Variants in TMEM135 observed in about 807,000 individuals in gnomAD.
TMEM135 encodes transmembrane protein 135, also known as peroxisomal membrane protein 52.
Under a neutral mutation model 60.3 loss-of-function variants are expected in TMEM135, and 30 were observed. That is an observed-to-expected ratio of 0.50 (90% CI 0.37 to 0.68). The LOEUF (loss-of-function observed/expected upper bound fraction) is 0.68. TMEM135 is among the 30% of genes least tolerant of loss of function. TMEM135 has a pLI of 0.00. For synonymous variants in TMEM135, 190 were observed against 186.7 expected (o/e 1.02, Z -0.14); for missense variants, 468 against 548.8 (o/e 0.85, Z 1.47).
At chr11:87,150,237 A>AAAAAAAAG (rs1938524208) in intron 4 of TMEM135, among the ~76,000 whole-genome samples, 1 of 144,942 alleles carries the variant, frequency 6.9e-6, no homozygotes, top group Non-Finnish European at 1.5e-5. Flanking sequence ...AAAAAAAAAG[A>AAAAAAAAG]AAAAAAGTGA....
chr11:87,212,924 T>C (rs1013368119), intron 5 of TMEM135, among the ~76,000 whole-genome samples: 1 of 152,144 alleles, frequency 6.6e-6, no homozygotes, highest in Non-Finnish European at 1.5e-5. Context: ...AATTACTATT[T>C]ATTTACAAAT....
intron 6 of TMEM135, among the ~76,000 whole-genome samples, chr11:87,239,445 A>C (rs919329260): frequency 6.6e-6 from 1 of 151,352 alleles, no homozygotes; most frequent in Non-Finnish European, 1.5e-5. Context: ...ACTATTGTAC[A>C]TAACACTTGG....
chr11:87,288,210 C>G (rs547151593), intron 6 of TMEM135, among the ~76,000 whole-genome samples: 3 of 152,070 alleles, frequency 2.0e-5, no homozygotes, highest in Admixed American at 6.6e-5. Flanking sequence ...AGCACCAATG[C>G]TAAATATAGC....
intron 5 of TMEM135, among the ~76,000 whole-genome samples, chr11:87,205,595 A>T (rs1260990713): frequency 6.6e-6 from 1 of 152,142 alleles, no homozygotes; most frequent in Admixed American, 6.5e-5. Context: ...TGAAACTTTG[A>T]TACTCTTTGA....
chr11:87,072,450 G>A (rs961739378), intron 3 of TMEM135, among the ~76,000 whole-genome samples: 3 of 151,750 alleles, frequency 2.0e-5, no homozygotes, highest in East Asian at 1.9e-4. Context: ...GTGCGACCTC[G>A]ACCCACTGCA....
chr11:87,238,470 A>G (rs562069209), intron 6 of TMEM135, among the ~76,000 whole-genome samples: 1 of 152,136 alleles, frequency 6.6e-6, no homozygotes, highest in East Asian at 1.9e-4. Flanking sequence ...ATTGGGATGC[A>G]TAGGATTTTG....
intron 6 of TMEM135, among the ~76,000 whole-genome samples, chr11:87,260,617 A>G (rs886519186): frequency 6.6e-6 from 1 of 152,182 alleles, no homozygotes; most frequent in Non-Finnish European, 1.5e-5. Flanking sequence ...AATGCGAGTT[A>G]GACTGATGGA....
chr11:87,121,887 G>A (rs771504456), intron 4 of TMEM135, among the ~76,000 whole-genome samples: 8 of 152,122 alleles, frequency 5.3e-5, no homozygotes, highest in Non-Finnish European at 1.0e-4. Context: ...TGATGCGCTC[G>A]CCTAAGCCTC....
At chr11:87,109,697 T>C (rs1225703281) in intron 4 of TMEM135, among the ~76,000 whole-genome samples, 1 of 150,000 alleles carries the variant, frequency 6.7e-6, no homozygotes, top group Non-Finnish European at 1.5e-5. Context: ...CAGTTTTATC[T>C]TAATAAACTT....
At chr11:87,203,708 CT>C (rs1322572295) in intron 5 of TMEM135, among the ~76,000 whole-genome samples, 2 of 152,128 alleles carry the variant, frequency 1.3e-5, no homozygotes, top group African/African-American at 4.8e-5. Context: ...TTTTCAGCTC[CT>C]TTGTATAAGT....
chr11:87,241,023 T>C (rs1235622949), intron 6 of TMEM135, among the ~76,000 whole-genome samples: 11 of 132,654 alleles, frequency 8.3e-5, no homozygotes, highest in Admixed American at 2.3e-4. Flanking sequence ...TTTATTGTTA[T>C]ACTTTAAACT....
intron 6 of TMEM135, among the ~76,000 whole-genome samples, chr11:87,276,426 A>G (rs1177602363): frequency 2.6e-5 from 4 of 152,034 alleles, no homozygotes; most frequent in African/African-American, 7.2e-5. Flanking sequence ...GAGAGCATCA[A>G]AGCTCTGATC....
intron 4 of TMEM135, among the ~76,000 whole-genome samples, chr11:87,116,261 T>C (rs1170239633): frequency 6.6e-6 from 1 of 152,194 alleles, no homozygotes; most frequent in Non-Finnish European, 1.5e-5. Context: ...TTGTTAGCCT[T>C]TATAAACATA....
At chr11:87,296,813 G>A (rs1942355544) in intron 7 of TMEM135, among the ~76,000 whole-genome samples, 2 of 152,124 alleles carry the variant, frequency 1.3e-5, no homozygotes, top group Admixed American at 6.6e-5. Context: ...AGTGCACTCT[G>A]GGTGGAAGTG....
intron 6 of TMEM135, among the ~76,000 whole-genome samples, chr11:87,290,721 C>G (rs1312620917): frequency 6.6e-6 from 1 of 152,102 alleles, no homozygotes; most frequent in African/African-American, 2.4e-5. Flanking sequence ...TGTGTATTTA[C>G]TAAGTTCTTT....
chr11:87,277,619 T>C (rs1941991342), intron 6 of TMEM135, among the ~76,000 whole-genome samples: 1 of 151,960 alleles, frequency 6.6e-6, no homozygotes, highest in African/African-American at 2.4e-5. Flanking sequence ...CTTCCTGGGT[T>C]CAATCAATTC....
At chr11:87,285,502 G>A (rs1942147687) in intron 6 of TMEM135, among the ~76,000 whole-genome samples, 1 of 151,980 alleles carries the variant, frequency 6.6e-6, no homozygotes, top group Non-Finnish European at 1.5e-5. Context: ...AGACCTTCAT[G>A]GTAAGTGTTA....
chr11:87,110,154 T>A (rs1034929098), intron 4 of TMEM135, among the ~76,000 whole-genome samples: 1 of 152,154 alleles, frequency 6.6e-6, no homozygotes, highest in Admixed American at 6.6e-5. Flanking sequence ...GTGTCGAAAT[T>A]CCTCAAGGAG....
At chr11:87,222,181 C>CAAAAAA (rs386374401) in intron 5 of TMEM135, among the ~76,000 whole-genome samples, 58 of 55,370 alleles carry the variant, frequency 1.0e-3, no homozygotes, top group South Asian at 2.3e-3. Context: ...GACTCTGTCT[C>CAAAAAA]AAAAAAAAAA....
Sources: allele counts gnomAD v4.1 joint callset (sites outside exome capture counted in the v4.1 genomes callset), GRCh38; gene constraint gnomAD v4.1.1; transcripts MANE v1.5; gene names NCBI Gene and HGNC (gene_info 2026-07-23, HGNC 2026-07-21).